Variants in MLXIPL observed in about 807,000 individuals in gnomAD.
MLXIPL encodes MLX interacting protein like.
Under a neutral mutation model 81.5 loss-of-function variants are expected in MLXIPL, and 49 were observed. That is an observed-to-expected ratio of 0.60 (90% CI 0.48 to 0.76). The LOEUF is 0.76. Ranked by LOEUF, MLXIPL falls within the 30% of genes least tolerant of loss-of-function variation. MLXIPL has a pLI of 0.00. For missense variants in MLXIPL, 1,053 were observed against 1,167.0 expected (o/e 0.90, Z 1.42); for synonymous variants, 466 against 485.5 (o/e 0.96, Z 0.53).
At chr7:73,599,869 G>A (rs1342945663) in intron 7 of MLXIPL, among the ~76,000 whole-genome samples, 174 bp from the exon 8 acceptor site, 1 of 152,006 alleles carries the variant, frequency 6.6e-6, no homozygotes, top group Non-Finnish European at 1.5e-5. Flanking sequence ...TTTCTGTCTC[G>A]ATTAGGGGAA....
In MLXIPL at chr7:73,601,741, G is replaced by A. The variant is rs187629733; in HGVS notation, c.902-2046C>T. Among the ~76,000 whole-genome samples the A allele has an allele frequency of 3.4e-3, 517 of 151,506 alleles. 7 individuals are homozygous for A. Among genetic ancestry groups the A allele is most frequent in the African/African-American group, 0.011 (459 of 41,302 alleles). On this transcript the variant is annotated intron_variant, in intron 7 of 16. Transcript: ENST00000313375. ...AAAATGGGGTTTTGCCATGTTGCCCGGGCTGGTCTCAAACTCCTGAGCTCA... is the reference window on the plus strand; with the variant it reads ...AAAATGGGGTTTTGCCATGTTGCCCAGGCTGGTCTCAAACTCCTGAGCTCA...
At chr7:73,629,640 G>A in the MLXIPL span, among the ~76,000 whole-genome samples, 5 of 152,170 alleles carry the variant, frequency 3.3e-5, no homozygotes, top group Non-Finnish European at 5.9e-5. Flanking sequence ...TGAGAGGATC[G>A]CTTGAGCTCA....
chr7:73,596,938 C>T lies in MLXIPL; in HGVS notation c.1604-6G>A. The T allele has an allele frequency of 6.2e-7, 1 of 1,607,898 alleles. No individual in the cohort carries two copies. Among genetic ancestry groups the T allele is most frequent in the East Asian group, 2.2e-5 (1 of 44,730 alleles). ...CAGGGCTTGCTCCGGCTTAGCTGTG[C>T]ACGGGCAGAACCGTGAGGCTACTGG... On this transcript the variant is annotated splice_polypyrimidine_tract_variant and splice_region_variant and intron_variant, in intron 9 of 16. Transcript: ENST00000313375. The surrounding 1 kb of genome is among the most constrained non-coding windows in gnomAD (Gnocchi z 4.7).
At chr7:73,605,464 G>A (rs782803724) in intron 7 of MLXIPL, among the ~76,000 whole-genome samples, 20 of 152,218 alleles carry the variant, frequency 1.3e-4, no homozygotes, top group Non-Finnish European at 2.5e-4. Context: ...AGGAGGCTGA[G>A]GCGGGAGGAT....
the MLXIPL span, among the ~76,000 whole-genome samples, chr7:73,633,032 C>T: frequency 2.0e-5 from 3 of 150,690 alleles, no homozygotes; most frequent in Non-Finnish European, 4.4e-5. Flanking sequence ...CTGCCTGCTT[C>T]GGCCTCCCAA....
intron 1 of MLXIPL, among the ~76,000 whole-genome samples, chr7:73,619,723 G>A (rs532463166): frequency 4.0e-5 from 6 of 151,854 alleles, no homozygotes; most frequent in Non-Finnish European, 5.9e-5. Flanking sequence ...AAGGTCAGGA[G>A]ATCGAGACCA....
In MLXIPL at chr7:73,596,726, G is replaced by C. The variant is rs782712872; in HGVS notation, c.1735C>G (p.Arg579Gly). The part of the protein sequence containing the change: ...LPPTPAPTPP[R>G]PPPGPATLAP... ...AATGTGGCCGGGCCTGGAGGTGGCC[G>C]GGGCGGTGTAGGGGCCGGGGTCGGG... Residue 579 changes from arginine to glycine, a missense_variant, in exon 11 of 17, where the codon CGG becomes GGG. Around this residue, in one of 3 missense-constraint regions of MLXIPL, gnomAD observed 823 missense variants for 933.0 expected, o/e 0.88. Transcript: ENST00000313375. The surrounding 1 kb of genome is among the most constrained non-coding windows in gnomAD (Gnocchi z 4.7). 1 of 1,592,082 alleles carries C rather than the reference G, an allele frequency of 6.3e-7. No individual in the cohort carries two copies.
the MLXIPL span, among the ~76,000 whole-genome samples, chr7:73,638,524 T>C: frequency 6.6e-6 from 1 of 151,934 alleles, no homozygotes; most frequent in East Asian, 1.9e-4. Flanking sequence ...TCAGGTGATC[T>C]GCCCACCTTG....
rs782775526 is a variant in MLXIPL at position 73,616,100 on chromosome 7, T to A, written c.371A>T (p.Asn124Ile). 1 of 1,613,896 alleles carries A rather than the reference T, an allele frequency of 6.2e-7. No homozygotes were observed. The highest frequency in any genetic ancestry group is 1.7e-5 in the Admixed American group (1 of 59,974). The part of the protein sequence containing the change: ...LLCRDKIRLN[N>I]AIWRAWYIQY... Reference sequence around the variant, plus strand: ...GATATACCAGGCCCTCCAGATGGCGTTGTTCAGGCGGATCTTGTCTCTGCA... The same window carrying A: ...GATATACCAGGCCCTCCAGATGGCGATGTTCAGGCGGATCTTGTCTCTGCA... Residue 124 changes from asparagine (N) to isoleucine (I), a missense_variant, in exon 2 of 17, where the codon AAC becomes ATC. Around this residue, in one of 3 missense-constraint regions of MLXIPL, gnomAD observed 226 missense variants for 216.2 expected, o/e 1.05. Transcript: ENST00000313375.
At chr7:73,604,984 C>T (rs1239501785) in intron 7 of MLXIPL, among the ~76,000 whole-genome samples, 3 of 152,042 alleles carry the variant, frequency 2.0e-5, no homozygotes, top group South Asian at 4.1e-4. Context: ...AGGTTGGTCT[C>T]GAACTCCTGA....
At chr7:73,611,613 C>G (rs1166603211) in intron 2 of MLXIPL, 1 of 152,024 alleles carries the variant, frequency 6.6e-6, no homozygotes, top group African/African-American at 2.4e-5. Context: ...TCTAGGAATT[C>G]AAGACCAGCA....
At chr7:73,631,266 C>G in the MLXIPL span, among the ~76,000 whole-genome samples, 36 of 151,988 alleles carry the variant, frequency 2.4e-4, no homozygotes, top group East Asian at 6.8e-3. Context: ...TGCCTCGGCT[C>G]GGCCTCCCAA....
At chr7:73,632,997 T>C in the MLXIPL span, among the ~76,000 whole-genome samples, 7 of 151,924 alleles carry the variant, frequency 4.6e-5, no homozygotes, top group Non-Finnish European at 1.0e-4. Context: ...GCCAGGCTGT[T>C]CTTGAACTGC....
intron 1 of MLXIPL, among the ~76,000 whole-genome samples, chr7:73,621,407 G>C (rs1796337698): frequency 6.6e-6 from 1 of 151,300 alleles, no homozygotes; most frequent in Non-Finnish European, 1.5e-5. Flanking sequence ...CTGGTCTCTG[G>C]GTCAGGCTGG....
In MLXIPL at chr7:73,596,986, A is replaced by G; in HGVS notation, c.1604-54T>C. The G allele has an allele frequency of 1.3e-6, 2 of 1,574,026 alleles. No individual in the cohort carries two copies. The highest frequency in any genetic ancestry group is 8.6e-7 in the Non-Finnish European group (1 of 1,159,874). On this transcript the variant is annotated intron_variant, in intron 9 of 16. Coordinates refer to ENST00000313375, the MANE Select transcript of MLXIPL (RefSeq NM_032951.3). The surrounding 1 kb of genome is among the most constrained non-coding windows in gnomAD (Gnocchi z 4.7). ...TGGGGCTGGCCCACCCCCGGCATCT[A>G]TCAAGACCCCATCCTGCCCCTCCCA...
intron 15 of MLXIPL, among the ~76,000 whole-genome samples, chr7:73,595,142 G>A (rs1554593209): frequency 6.6e-6 from 1 of 152,122 alleles, no homozygotes; most frequent in Non-Finnish European, 1.5e-5. Flanking sequence ...CACCGCACCT[G>A]GCTTGCAGTC....
At chr7:73,611,454 G>T (rs1388136104) in intron 2 of MLXIPL, 1 of 152,208 alleles carries the variant, frequency 6.6e-6, no homozygotes, top group Admixed American at 6.5e-5. Flanking sequence ...AGAGGAAGGG[G>T]GACCACTGGA....
chr7:73,631,792 C>T, the MLXIPL span, among the ~76,000 whole-genome samples: 5 of 148,168 alleles, frequency 3.4e-5, no homozygotes, highest in Non-Finnish European at 4.5e-5. Flanking sequence ...TCTCTTCTCC[C>T]CTCCCCTCCA....
At chr7:73,598,843 G>C (rs1794558875) in intron 8 of MLXIPL, among the ~76,000 whole-genome samples, 1 of 152,078 alleles carries the variant, frequency 6.6e-6, no homozygotes, top group Middle Eastern at 3.2e-3. Context: ...CTGGGGGCCA[G>C]GTGTGGTGGC....
Sources: allele counts gnomAD v4.1 joint callset (sites outside exome capture counted in the v4.1 genomes callset), GRCh38; gene constraint gnomAD v4.1.1; regional missense constraint gnomAD v4.1.1; non-coding constraint Gnocchi (gnomAD v3.1); transcripts MANE v1.5; gene names NCBI Gene and HGNC (gene_info 2026-07-23, HGNC 2026-07-21).